TIA1: variants seen among roughly 807,000 people sequenced by gnomAD.
TIA1 encodes the protein TIA1 cytotoxic granule associated RNA binding protein, also known as cytotoxic granule associated RNA binding protein TIA1.
TIA1 carries 23 observed loss-of-function variants against 65.9 expected under a neutral mutation model. That is an observed-to-expected ratio of 0.35 (90% CI 0.25 to 0.49). The LOEUF is 0.49. Among genes scored for constraint, TIA1 ranks in the 20% least tolerant of loss-of-function variants. TIA1 has a pLI of 0.98. For missense variants in TIA1, 371 were observed against 477.9 expected, an observed-to-expected ratio of 0.78 and a Z score of 2.09; for synonymous variants, 147 against 149.4, an observed-to-expected ratio of 0.98 and a Z score of 0.12.
At chr2:70,215,665 A>C (rs757796687) in intron 10 of TIA1, 171 bp from the exon 11 acceptor site, 1 of 594,714 alleles carries the variant, frequency 1.7e-6, no homozygotes, top group Non-Finnish European at 2.9e-6. Context: ...ACTTGTGTTA[A>C]CAAAGAATGT....
At chr2:70,232,540 CAAAAAAAAAAAAAA>C (rs70956955) in intron 2 of TIA1, among the ~76,000 whole-genome samples, 533 of 40,296 alleles carry the variant, frequency 0.013, 8 homozygotes, top group African/African-American at 0.047. Context: ...AACTCTGTCT[CAAAAAAAAAAAAAA>C]AAAAAAAAAA....
At chr2:70,245,364 T>C (rs765855670) in intron 1 of TIA1, among the ~76,000 whole-genome samples, 1 of 152,194 alleles carries the variant, frequency 6.6e-6, no homozygotes, top group African/African-American at 2.4e-5. Flanking sequence ...AATAACAGTA[T>C]AGTTATCTCA....
intron 3 of TIA1, among the ~76,000 whole-genome samples, chr2:70,229,589 C>T (rs1029332335): frequency 6.6e-6 from 1 of 152,092 alleles, no homozygotes; most frequent in African/African-American, 2.4e-5. Flanking sequence ...TTTCCATTAG[C>T]ATCCAAGCTT....
intron 1 of TIA1, among the ~76,000 whole-genome samples, chr2:70,242,273 C>T (rs1692166914): frequency 6.6e-6 from 1 of 152,050 alleles, no homozygotes; most frequent in Admixed American, 6.6e-5. Context: ...TGGCTCACGC[C>T]TGTAATCCCA....
intron 1 of TIA1, among the ~76,000 whole-genome samples, chr2:70,247,112 T>G (rs968505394): frequency 6.6e-6 from 1 of 152,132 alleles, no homozygotes; most frequent in Non-Finnish European, 1.5e-5. Flanking sequence ...AGTAGTTTTT[T>G]AGGGAGTATT....
At chr2:70,234,750 C>T (rs532583165) in intron 2 of TIA1, among the ~76,000 whole-genome samples, 22 of 152,018 alleles carry the variant, frequency 1.4e-4, no homozygotes, top group Admixed American at 2.6e-4. Flanking sequence ...TTAGTAGAGA[C>T]GGGGTTTCGC....
chr2:70,214,237 T>TA (rs1677585004), intron 12 of TIA1, 112 bp downstream of exon 12: 1 of 1,186,858 alleles, frequency 8.4e-7, no homozygotes. Context: ...AGGCTATAGT[T>TA]ACGCTTTACA....
In TIA1 at chr2:70,229,252, A is replaced by T. The variant is rs2104411614; in HGVS notation, c.277+12T>A. ...TAAAAACAAATGTTCAAAGAGCATAAAATATACTTACTGCTTGTATCTTTC... is the reference window on the plus strand; with the variant it reads ...TAAAAACAAATGTTCAAAGAGCATATAATATACTTACTGCTTGTATCTTTC... On this transcript the variant is annotated intron_variant, in intron 4 of 12. Coordinates refer to ENST00000433529, the MANE Select transcript of TIA1 (RefSeq NM_022173.4). 1.9e-6 allele frequency: 3 copies of T among 1,613,848 alleles called. No homozygotes were observed. The highest frequency in any genetic ancestry group is 2.5e-6 in the Non-Finnish European group (3 of 1,179,882).
intron 5 of TIA1, 82 bp from the exon 6 acceptor site, chr2:70,227,904 A>T (rs1395818542): frequency 1.5e-5 from 13 of 879,304 alleles, no homozygotes; most frequent in Non-Finnish European, 2.0e-5. Context: ...CCAATAAAGT[A>T]TTCTTAAAAT....
chr2:70,222,783 C>T (rs532534612), intron 7 of TIA1, among the ~76,000 whole-genome samples: 23 of 152,170 alleles, frequency 1.5e-4, no homozygotes, highest in Middle Eastern at 3.4e-3. Flanking sequence ...TGCATGGTGG[C>T]GGCACCTGTA....
intron 1 of TIA1, among the ~76,000 whole-genome samples, chr2:70,240,464 C>T (rs1691159039): frequency 6.6e-6 from 1 of 152,174 alleles, no homozygotes; most frequent in Admixed American, 6.5e-5. Context: ...GTGGCACAAG[C>T]CCGCAGCCCC....
intron 12 of TIA1, among the ~76,000 whole-genome samples, chr2:70,213,068 G>A (rs915195272): frequency 2.0e-4 from 30 of 152,176 alleles, no homozygotes; most frequent in Middle Eastern, 3.4e-3. Flanking sequence ...GTTTAATTTT[G>A]TTAGAAATTA....
intron 12 of TIA1, 29 bp downstream of exon 12, chr2:70,214,320 T>C: frequency 6.3e-7 from 1 of 1,591,930 alleles, no homozygotes; most frequent in Non-Finnish European, 8.5e-7. Flanking sequence ...TTTCAAAGGT[T>C]AGTAAAGGAA....
Position 70,242,554 on chromosome 2 carries a change from G to GTA in TIA1, c.26+5849_26+5850dup, listed in dbSNP as rs542838610. Among the ~76,000 whole-genome samples, 27 of 135,506 alleles carry GTA rather than the reference G, an allele frequency of 2.0e-4. No individual in the cohort carries two copies. In the East Asian group the frequency reaches 5.7e-3, roughly 29 times the overall value. 88.9% of individuals were successfully genotyped at this position (135,506 alleles called of 152,430 possible). ...TTTGATAAGGTCTCTGAAAATTTGA[G>GTA]TAAAAACGATGAATAGTTTTTTACC... On this transcript the variant is annotated intron_variant, in intron 1 of 12. Transcript: ENST00000433529.
At chr2:70,248,036 A>C (rs936270438) in intron 1 of TIA1, among the ~76,000 whole-genome samples, 1 of 152,168 alleles carries the variant, frequency 6.6e-6, no homozygotes, top group African/African-American at 2.4e-5. Context: ...GGTTAATCAA[A>C]AAGGGGGAGA....
intron 1 of TIA1, among the ~76,000 whole-genome samples, chr2:70,245,547 C>T (rs1180353002): frequency 6.6e-6 from 1 of 152,196 alleles, no homozygotes; most frequent in Non-Finnish European, 1.5e-5. Context: ...TTCAGACTCA[C>T]TATACACGTA....
chr2:70,234,776 A>G (rs762102707), intron 2 of TIA1, among the ~76,000 whole-genome samples: 25 of 152,038 alleles, frequency 1.6e-4, no homozygotes, highest in Admixed American at 2.6e-4. Context: ...TGGTCAGGCT[A>G]GTCTCGAACT....
intron 7 of TIA1, chr2:70,224,315 C>A: frequency 4.1e-6 from 2 of 492,128 alleles, no homozygotes; most frequent in East Asian, 3.3e-5. Context: ...CAACATCTAC[C>A]TTTGGCTGAT....
chr2:70,232,455 GC>G (rs1400896379), intron 2 of TIA1, among the ~76,000 whole-genome samples: 1 of 128,098 alleles, frequency 7.8e-6, no homozygotes, highest in Non-Finnish European at 1.5e-5. Context: ...CAGGAGAATC[GC>G]TTGAACCCTG....
Sources: gnomAD v4.1 joint callset for allele counts (sites outside exome capture counted in the v4.1 genomes callset) on GRCh38, gnomAD v4.1.1 for gene constraint, MANE v1.5 for transcripts, NCBI Gene and HGNC (gene_info 2026-07-23, HGNC 2026-07-21) for gene names.